ST3GAL5: variants seen among roughly 807,000 people sequenced by gnomAD.
ST3GAL5 encodes ST3 beta-galactoside alpha-2,3-sialyltransferase 5, also known as lactosylceramide alpha-2,3-sialyltransferase.
In ST3GAL5, 25 loss-of-function variants were observed where a neutral mutation model predicts 46.1. The ratio of observed to expected loss-of-function variants is 0.54; its 90% CI spans 0.40 to 0.76. The LOEUF (loss-of-function observed/expected upper bound fraction) is 0.76. Ranked by LOEUF, ST3GAL5 falls within the 30% of genes least tolerant of loss-of-function variation. The probability of loss-of-function intolerance (pLI) is 0.00; values close to 1 mark genes in which losing one functional copy is unlikely to be tolerated. For missense variants in ST3GAL5, 431 were observed against 521.2 expected, an observed-to-expected ratio of 0.83 and a Z score of 1.69; for synonymous variants, 182 against 192.7, an observed-to-expected ratio of 0.94 and a Z score of 0.46.
At chr2:85,858,855 CT>C (rs1447281458) in intron 3 of ST3GAL5, among the ~76,000 whole-genome samples, 2 of 152,216 alleles carry the variant, frequency 1.3e-5, no homozygotes, top group Non-Finnish European at 2.9e-5. Flanking sequence ...ACAGATGTTC[CT>C]ATCCCTTCCA....
chr2:85,872,538 G>A (rs992776501), intron 1 of ST3GAL5, among the ~76,000 whole-genome samples: 6 of 151,044 alleles, frequency 4.0e-5, no homozygotes, highest in African/African-American at 1.5e-4. Context: ...AGCCGAGATT[G>A]TGCCACTGCA....
At chr2:85,870,917 G>A (rs1313153084) in intron 1 of ST3GAL5, among the ~76,000 whole-genome samples, 2 of 151,988 alleles carry the variant, frequency 1.3e-5, no homozygotes, top group Non-Finnish European at 2.9e-5. Flanking sequence ...CGCCCGCCTT[G>A]GCCGCCCAAA....
intron 1 of ST3GAL5, among the ~76,000 whole-genome samples, chr2:85,880,544 C>T (rs959985634): frequency 1.3e-5 from 2 of 152,190 alleles, no homozygotes; most frequent in Non-Finnish European, 2.9e-5. Flanking sequence ...CTCTCATAGG[C>T]TGGGCATGGT....
chr2:85,877,937 T>G (rs1326571075), intron 1 of ST3GAL5, among the ~76,000 whole-genome samples: 2 of 152,220 alleles, frequency 1.3e-5, no homozygotes, highest in African/African-American at 4.8e-5. Context: ...GTTGGGAGTA[T>G]GGTAATTTCT....
Position 85,888,938 on chromosome 2 carries a change from C to G in ST3GAL5, c.-33G>C. 2 of 1,302,930 alleles carry G rather than the reference C, an allele frequency of 1.5e-6. No homozygotes were observed. Among genetic ancestry groups the G allele is most frequent in the African/African-American group, 1.6e-5 (1 of 64,408 alleles). 80.7% of individuals were successfully genotyped at this position (1,302,930 alleles called of 1,614,324 possible). On this transcript the variant is annotated 5_prime_UTR_variant, in exon 1 of 7. Transcript: ENST00000638572. ...AGGGGGCGCCGGCCGGCCGCCAGCC[C>G]GGTACCCCGCGCCCCCACCCGCCCC...
chr2:85,841,764 CTCA>C (rs1251334039), intron 6 of ST3GAL5, among the ~76,000 whole-genome samples: 3 of 152,326 alleles, frequency 2.0e-5, no homozygotes, highest in East Asian at 3.9e-4. Context: ...CCACTCCCTC[CTCA>C]TGTCTGGCAT....
At chr2:85,878,707 C>T (rs1460171402) in intron 1 of ST3GAL5, among the ~76,000 whole-genome samples, 2 of 152,306 alleles carry the variant, frequency 1.3e-5, no homozygotes, top group Non-Finnish European at 2.9e-5. Context: ...TAAGACACAG[C>T]CGCTTTCCTC....
chr2:85,857,436 C>T (rs1334367897), intron 3 of ST3GAL5, among the ~76,000 whole-genome samples: 1 of 150,492 alleles, frequency 6.6e-6, no homozygotes, highest in Non-Finnish European at 1.5e-5. Context: ...ACTCGGGAGG[C>T]TGAGACAGGA....
chr2:85,886,991 C>G (rs1046532555), intron 1 of ST3GAL5, among the ~76,000 whole-genome samples: 2 of 152,190 alleles, frequency 1.3e-5, no homozygotes, highest in African/African-American at 4.8e-5. Flanking sequence ...CCTCAGGAGC[C>G]AGGAGGGTGT....
intron 1 of ST3GAL5, among the ~76,000 whole-genome samples, chr2:85,873,462 A>C (rs183145880): frequency 3.9e-4 from 60 of 152,260 alleles, no homozygotes; most frequent in Non-Finnish European, 8.8e-5. Flanking sequence ...ATGGGGCAGC[A>C]GTGGGGACAA....
chr2:85,874,457 T>G (rs1196729105), intron 1 of ST3GAL5, among the ~76,000 whole-genome samples: 1 of 152,110 alleles, frequency 6.6e-6, no homozygotes, highest in Non-Finnish European at 1.5e-5. Context: ...CAAGGGGGCC[T>G]CGTGCTCGAC....
intron 1 of ST3GAL5, among the ~76,000 whole-genome samples, chr2:85,883,016 G>A (rs1687343784): frequency 6.6e-6 from 1 of 152,140 alleles, no homozygotes; most frequent in African/African-American, 2.4e-5. Context: ...TGTCTCAGAT[G>A]AGACTTTGGT....
At chr2:85,876,439 GTTTTCTTTTCT>G (rs1050638126) in intron 1 of ST3GAL5, among the ~76,000 whole-genome samples, 3 of 145,586 alleles carry the variant, frequency 2.1e-5, no homozygotes, top group Admixed American at 6.9e-5. Context: ...CCTCCACCCT[GTTTTCTTTTCT>G]TTTTCTTTTT....
chr2:85,863,340 C>T (rs1684927849), intron 2 of ST3GAL5, 22 bp downstream of exon 2: 7 of 1,613,584 alleles, frequency 4.3e-6, no homozygotes, highest in East Asian at 2.2e-5. Context: ...GGGGGATCTA[C>T]AGTCCCAGGG....
chr2:85,847,831 T>TAAAC (rs769128099), intron 4 of ST3GAL5, 30 bp downstream of exon 4: 45 of 1,610,994 alleles, frequency 2.8e-5, no homozygotes, highest in Non-Finnish European at 3.5e-5. Flanking sequence ...TAAAAATAAG[T>TAAAC]AAACAAACAA....
chr2:85,847,848 A>G lies in ST3GAL5; in HGVS notation c.662+13T>C. On this transcript the variant is annotated intron_variant, in intron 4 of 6. Transcript: ENST00000638572. ...AAAATAAGTAAACAAACAAACAAAA[A>G]AAACCAATGTACCTTATCACAACAT... 6.2e-7 allele frequency: 1 copy of G among 1,613,116 alleles called. No homozygotes were observed. Among genetic ancestry groups the G allele is most frequent in the East Asian group, 2.2e-5 (1 of 44,880 alleles).
intron 6 of ST3GAL5, among the ~76,000 whole-genome samples, chr2:85,840,753 G>A (rs1233533950): frequency 1.3e-5 from 2 of 151,948 alleles, no homozygotes; most frequent in East Asian, 3.9e-4. Context: ...AGACCAGCCT[G>A]GCCAATATGG....
rs772327731 is a variant in ST3GAL5, at chr2:85,848,101, A to G, written c.422T>C (p.Leu141Ser). The change falls in exon 4 of 7, where the codon TTA becomes TCA. Residue 141 changes from leucine (L) to serine (S), a missense_variant. Physicochemically the swap from Leu to Ser is moderately radical, Grantham distance 145 (BLOSUM62 -2). Transcript: ENST00000638572. ...GGGGGCCTTCTGCACAAAAGGGAGTAAGTCCACGCTATACCTGTGCTCAAA... is the reference window on the plus strand; with the variant it reads ...GGGGGCCTTCTGCACAAAAGGGAGTGAGTCCACGCTATACCTGTGCTCAAA... ...LLFEHRYSVD[L>S]LPFVQKAPKD... The G allele has an allele frequency of 1.2e-5, 19 of 1,614,088 alleles. No individual in the cohort carries two copies. In the East Asian group the frequency reaches 3.8e-4, roughly 32 times the overall value.
intron 4 of ST3GAL5, chr2:85,847,247 C>CA (rs1682903840): frequency 2.0e-6 from 1 of 499,016 alleles, no homozygotes; most frequent in African/African-American, 2.1e-5. Context: ...CTCCAGAAGC[C>CA]AGGCCCCTCA....
Sources: gnomAD v4.1 joint callset for allele counts (sites outside exome capture counted in the v4.1 genomes callset) on GRCh38, gnomAD v4.1.1 for gene constraint, MANE v1.5 for transcripts, NCBI Gene and HGNC (gene_info 2026-07-23, HGNC 2026-07-21) for gene names.